The following OXR1 variants were observed in gnomAD, a reference collection of about 807,000 sequenced individuals.
OXR1 encodes oxidation resistance 1.
Under a neutral mutation model 104.6 loss-of-function variants are expected in OXR1, and 41 were observed. That is an observed-to-expected ratio of 0.39 (90% CI 0.31 to 0.51). The LOEUF (loss-of-function observed/expected upper bound fraction) is 0.51, where lower values mean the gene tolerates loss of function less well. Ranked by LOEUF, OXR1 falls within the 20% of genes least tolerant of loss-of-function variation. OXR1 has a pLI of 0.77. For missense variants in OXR1, 955 were observed against 1,031.9 expected (o/e 0.93, Z 1.02); for synonymous variants, 348 against 348.4 (o/e 1.00, Z 0.01).
intron 3 of OXR1, among the ~76,000 whole-genome samples, chr8:106,622,614 A>C (rs1440569261): frequency 6.6e-6 from 1 of 152,030 alleles, no homozygotes; most frequent in African/African-American, 2.4e-5. Context: ...TCTACCTTGA[A>C]GGCTCTCCTC....
chr8:106,724,313 A>G (rs1047222425), intron 11 of OXR1, among the ~76,000 whole-genome samples: 2 of 152,206 alleles, frequency 1.3e-5, no homozygotes, highest in Non-Finnish European at 2.9e-5. Context: ...TAATAATAAC[A>G]ATTGACATCT....
chr8:106,388,137 A>C (rs756612867), intron 2 of OXR1, among the ~76,000 whole-genome samples: 1 of 152,246 alleles, frequency 6.6e-6, no homozygotes, highest in Non-Finnish European at 1.5e-5. Context: ...GGAAAAGGTG[A>C]CAGTGACAAA....
chr8:106,455,203 G>A (rs1461796286), intron 2 of OXR1, among the ~76,000 whole-genome samples: 1 of 152,120 alleles, frequency 6.6e-6, no homozygotes, highest in African/African-American at 2.4e-5. Flanking sequence ...GTTATTTTGA[G>A]TTAGTCAGAA....
intron 1 of OXR1, among the ~76,000 whole-genome samples, chr8:106,334,558 A>G (rs1210491887): frequency 6.6e-6 from 1 of 152,176 alleles, no homozygotes; most frequent in Non-Finnish European, 1.5e-5. Flanking sequence ...TAGCTGTGAA[A>G]TTTGGATACC....
intron 11 of OXR1, among the ~76,000 whole-genome samples, chr8:106,725,320 G>C (rs1043339658): frequency 6.6e-6 from 1 of 151,980 alleles, no homozygotes; most frequent in African/African-American, 2.4e-5. Flanking sequence ...GTGAAAAGGT[G>C]GCATCATGTG....
At chr8:106,468,867 G>C (rs2444314) in intron 2 of OXR1, among the ~76,000 whole-genome samples, 34,729 of 151,616 alleles carry the variant, frequency 0.23, 4,149 homozygotes, top group East Asian at 0.42. Flanking sequence ...AGTTGAAACA[G>C]CAAAGAATTT....
At chr8:106,621,694 A>G (rs1461762456) in intron 3 of OXR1, among the ~76,000 whole-genome samples, 2 of 152,292 alleles carry the variant, frequency 1.3e-5, no homozygotes, top group East Asian at 3.9e-4. Flanking sequence ...GGATACTTTG[A>G]AAAGGCAAGA....
chr8:106,585,885 A>G (rs1818592324), intron 3 of OXR1, among the ~76,000 whole-genome samples: 1 of 152,192 alleles, frequency 6.6e-6, no homozygotes, highest in African/African-American at 2.4e-5. Context: ...ATATCCAGGT[A>G]CATGTTACTA....
At chr8:106,600,847 G>A (rs1308825215) in intron 3 of OXR1, among the ~76,000 whole-genome samples, 1 of 152,176 alleles carries the variant, frequency 6.6e-6, no homozygotes, top group Non-Finnish European at 1.5e-5. Context: ...CTTCATGCTA[G>A]GCACTGTCTA....
chr8:106,366,279 T>G (rs971725268), intron 2 of OXR1, among the ~76,000 whole-genome samples: 7 of 152,192 alleles, frequency 4.6e-5, no homozygotes, highest in Non-Finnish European at 1.0e-4. Flanking sequence ...TACTTTCTTG[T>G]GGAAGATCTA....
At chr8:106,569,183 C>A (rs1355300630) in intron 3 of OXR1, among the ~76,000 whole-genome samples, 3 of 152,040 alleles carry the variant, frequency 2.0e-5, no homozygotes, top group Non-Finnish European at 4.4e-5. Flanking sequence ...ACTTGTCAGG[C>A]TTTCTGTGTT....
intron 2 of OXR1, among the ~76,000 whole-genome samples, chr8:106,392,497 C>T (rs1008058626): frequency 6.6e-6 from 1 of 151,994 alleles, no homozygotes; most frequent in Non-Finnish European, 1.5e-5. Flanking sequence ...GAGGTAGAGA[C>T]ATGAGGGAAT....
intron 3 of OXR1, among the ~76,000 whole-genome samples, chr8:106,677,098 C>T (rs1456683278): frequency 6.6e-6 from 1 of 151,978 alleles, no homozygotes; most frequent in Non-Finnish European, 1.5e-5. Context: ...CTAACGGTTA[C>T]TCCTAAAATC....
At chr8:106,616,892 C>T (rs1278898748) in intron 3 of OXR1, among the ~76,000 whole-genome samples, 1 of 152,188 alleles carries the variant, frequency 6.6e-6, no homozygotes, top group Non-Finnish European at 1.5e-5. Context: ...ACTGACTTGA[C>T]ATTGTCTGTT....
chr8:106,725,551 A>T (rs1339369301), intron 11 of OXR1, among the ~76,000 whole-genome samples: 1 of 152,224 alleles, frequency 6.6e-6, no homozygotes. Flanking sequence ...AGTGAATATA[A>T]CTACCTTTTC....
intron 3 of OXR1, among the ~76,000 whole-genome samples, chr8:106,658,718 A>G (rs1010095124): frequency 3.3e-5 from 5 of 152,236 alleles, no homozygotes; most frequent in African/African-American, 9.6e-5. Flanking sequence ...TGCGTCGTGT[A>G]CTTTTTGAAC....
chr8:106,393,237 C>A (rs1483772649), intron 2 of OXR1, among the ~76,000 whole-genome samples: 1 of 152,170 alleles, frequency 6.6e-6, no homozygotes, highest in Non-Finnish European at 1.5e-5. Flanking sequence ...ATCCTTATTA[C>A]TAGAGAAGTA....
intron 2 of OXR1, among the ~76,000 whole-genome samples, chr8:106,468,497 G>A (rs1226335904): frequency 6.6e-6 from 1 of 151,788 alleles, no homozygotes; most frequent in Non-Finnish European, 1.5e-5. Flanking sequence ...TAAAGCAGAA[G>A]TAAGCTGGGT....
intron 16 of OXR1, among the ~76,000 whole-genome samples, chr8:106,746,991 A>G (rs1835448177): frequency 6.6e-6 from 1 of 152,204 alleles, no homozygotes; most frequent in African/African-American, 2.4e-5. Context: ...TCACCAAGCT[A>G]GAGTAACCAC....
Sources: gnomAD v4.1 joint callset for allele counts (sites outside exome capture counted in the v4.1 genomes callset) on GRCh38, gnomAD v4.1.1 for gene constraint, MANE v1.5 for transcripts, NCBI Gene and HGNC (gene_info 2026-07-23, HGNC 2026-07-21) for gene names.